Variants in TUT4 observed in about 807,000 individuals in gnomAD.
TUT4 encodes the protein terminal uridylyltransferase 4.
TUT4 carries 36 observed loss-of-function variants against 192.2 expected under a neutral mutation model. That is an observed-to-expected ratio of 0.19 (90% CI 0.14 to 0.25). The LOEUF is 0.25. Among genes scored for constraint, TUT4 ranks in the 10% least tolerant of loss-of-function variants. The pLI is 1.00. For missense variants in TUT4, 1,493 were observed against 1,957.2 expected (o/e 0.76, Z 4.47); for synonymous variants, 618 against 666.0 (o/e 0.93, Z 1.11).
In TUT4 at chr1:52,456,503, AAG is replaced by A. The variant is rs796516435; in HGVS notation, c.3435+1831_3435+1832del. Reference sequence around the variant, plus strand: ...ATTTAAAAATTAAAAAAAAAAAAGAAAGAAAAAGAAAAAGAAATGAGCTATCA... The same window carrying A: ...ATTTAAAAATTAAAAAAAAAAAAGAAAAAAAGAAAAAGAAATGAGCTATCA... On this transcript the variant is annotated intron_variant, in intron 20 of 29. Coordinates refer to ENST00000257177, the MANE Select transcript of TUT4 (RefSeq NM_001009881.3). 2.4e-3 allele frequency among the ~76,000 whole-genome samples: 367 copies of A among 150,994 alleles called. 1 individual carries two copies. The highest frequency in any genetic ancestry group is 8.7e-3 in the African/African-American group (360 of 41,310).
intron 2 of TUT4, among the ~76,000 whole-genome samples, chr1:52,518,853 T>C (rs1346552565): frequency 1.3e-5 from 2 of 152,154 alleles, no homozygotes; most frequent in Non-Finnish European, 2.9e-5. Flanking sequence ...GGGTTTCCTT[T>C]TGGGATGATG....
chr1:52,443,074 C>T (rs540398008), intron 24 of TUT4, among the ~76,000 whole-genome samples: 24 of 148,224 alleles, frequency 1.6e-4, no homozygotes, highest in Admixed American at 9.4e-4. Context: ...ACCTAAGGTC[C>T]GGAGTTCAAA....
chr1:52,484,442 G>A (rs1051966619), intron 9 of TUT4, among the ~76,000 whole-genome samples: 3 of 151,812 alleles, frequency 2.0e-5, no homozygotes, highest in African/African-American at 4.8e-5. Flanking sequence ...TATCCTTGGG[G>A]GTCTTGGAAC....
intron 11 of TUT4, among the ~76,000 whole-genome samples, chr1:52,479,901 A>C (rs978223314): frequency 1.3e-5 from 2 of 149,794 alleles, no homozygotes; most frequent in Non-Finnish European, 3.0e-5. Context: ...AGGCTGAGGC[A>C]GGAGAATGGT....
intron 6 of TUT4, among the ~76,000 whole-genome samples, 166 bp from the exon 7 acceptor site, chr1:52,493,828 G>A (rs923684669): frequency 1.4e-5 from 2 of 147,934 alleles, no homozygotes; most frequent in African/African-American, 2.5e-5. Context: ...TTTTTGAGAT[G>A]AGGTTTCCCT....
At chr1:52,424,676 C>T (rs1649215174) in intron 29 of TUT4, 1 of 152,242 alleles carries the variant, frequency 6.6e-6, no homozygotes, top group Non-Finnish European at 1.5e-5. Context: ...ATTACCCAGT[C>T]AAAGCCATTA....
At chr1:52,460,627 C>G (rs1662286751) in intron 19 of TUT4, among the ~76,000 whole-genome samples, 1 of 152,174 alleles carries the variant, frequency 6.6e-6, no homozygotes, top group Admixed American at 6.5e-5. Context: ...TGAGCAGCTA[C>G]CACAAAGCAG....
intron 12 of TUT4, among the ~76,000 whole-genome samples, chr1:52,475,865 G>A (rs1666952136): frequency 1.3e-5 from 2 of 151,272 alleles, no homozygotes; most frequent in South Asian, 4.2e-4. Context: ...TTTCTTTTGA[G>A]ATGGAGTCTT....
chr1:52,471,721 T>C (rs960265949), intron 14 of TUT4, among the ~76,000 whole-genome samples: 1 of 152,232 alleles, frequency 6.6e-6, no homozygotes, highest in African/African-American at 2.4e-5. Context: ...AGACAGCTCA[T>C]ATCCATATTT....
Position 52,525,715 on chromosome 1 carries a change from G to C in TUT4, c.566C>G (p.Thr189Ser). The stretch of plus-strand genomic sequence containing the variant: ...TTCAATATTCACTTTGTCCACAGAA[G>C]TAAAGGAGCTTGGAATTTTTTTTCC... ...QIGKKIPSSF[T>S]SVDKVNIEAV... Residue 189 changes from threonine to serine, a missense_variant, in exon 2 of 30, where the codon ACT (threonine) becomes AGT (serine). By Grantham distance (58) the Thr-to-Ser change is moderately conservative (BLOSUM62 1). This residue lies in a region of TUT4 where 260 missense variants were observed against 247.8 expected (regional missense o/e 1.05). Transcript: ENST00000257177. 1.2e-6 allele frequency: 2 copies of C among 1,614,158 alleles called. No homozygotes were observed. Among genetic ancestry groups the C allele is most frequent in the Non-Finnish European group, 1.7e-6 (2 of 1,180,024 alleles).
chr1:52,545,835 T>C (rs1337272020), intron 1 of TUT4, among the ~76,000 whole-genome samples: 1 of 151,456 alleles, frequency 6.6e-6, no homozygotes, highest in African/African-American at 2.4e-5. Context: ...ATAATAATAA[T>C]AATAGGCCAG....
chr1:52,481,078 C>T (rs556664015), intron 11 of TUT4, among the ~76,000 whole-genome samples: 2 of 152,182 alleles, frequency 1.3e-5, no homozygotes, highest in Non-Finnish European at 2.9e-5. Flanking sequence ...TCTCTTAGAG[C>T]ACAGGGGCTT....
rs140427487 is a variant in TUT4 at position 52,438,094 on chromosome 1, C to G, written c.3938+126G>C. The G allele has an allele frequency of 4.4e-3, 2,895 of 652,504 alleles. 9 individuals are homozygous for G. Among genetic ancestry groups the G allele is most frequent in the Middle Eastern group, 6.6e-3 (21 of 3,170 alleles). 40.4% of individuals were successfully genotyped at this position (652,504 alleles called of 1,614,324 possible). A position where few individuals can be genotyped will look rare whatever the true frequency, so the allele number is the denominator to read the frequency against. ...TATTACAAAATTCCACTCAAATGAA[C>G]ATTTACCTTAGGTATAATTAAATAC... is the stretch of plus-strand genomic sequence containing the variant. On this transcript the variant is annotated intron_variant, in intron 25 of 29. Coordinates refer to ENST00000257177, the MANE Select transcript of TUT4 (RefSeq NM_001009881.3).
chr1:52,424,145 G>C (rs1232219294), intron 29 of TUT4, 143 bp from the exon 30 acceptor site: 3 of 772,032 alleles, frequency 3.9e-6, no homozygotes, highest in African/African-American at 3.5e-5. Flanking sequence ...CATTTGAGAG[G>C]GTGGGGAGAA....
At chr1:52,482,091 A>G (rs534322561) in intron 9 of TUT4, among the ~76,000 whole-genome samples, 168 bp from the exon 10 acceptor site, 43 of 152,304 alleles carry the variant, frequency 2.8e-4, no homozygotes, top group South Asian at 1.4e-3. Context: ...TAAAATGTTG[A>G]TGATCATTTT....
At chr1:52,512,598 A>T (rs1677495928) in intron 3 of TUT4, among the ~76,000 whole-genome samples, 1 of 152,212 alleles carries the variant, frequency 6.6e-6, no homozygotes, top group African/African-American at 2.4e-5. Flanking sequence ...TCATCATCAT[A>T]AACTTTCTAG....
chr1:52,431,646 T>TA (rs1430945212), intron 27 of TUT4, 186 bp from the exon 28 acceptor site: 2 of 427,552 alleles, frequency 4.7e-6, no homozygotes, highest in Non-Finnish European at 7.8e-6. Context: ...CACAAATCGT[T>TA]TTATTGTCCA....
rs567065996 is a variant in TUT4 at position 52,527,483 on chromosome 1, C to T, written c.-93-1110G>A. 2.9e-4 allele frequency among the ~76,000 whole-genome samples: 44 copies of T among 152,036 alleles called. No individual in the cohort carries two copies. The South Asian group carries it at 8.5e-3, about 29-fold the overall frequency. On this transcript the variant is annotated intron_variant, in intron 1 of 29. Coordinates refer to ENST00000257177, the MANE Select transcript of TUT4 (RefSeq NM_001009881.3). Reference sequence around the variant, plus strand: ...ATTGCTTGAACCGGGACCCAGGAGGCGGAGGTTGCAGTGAGCCAAGATCGC... The same window carrying T: ...ATTGCTTGAACCGGGACCCAGGAGGTGGAGGTTGCAGTGAGCCAAGATCGC...
At chr1:52,486,270 T>G (rs1017771460) in intron 9 of TUT4, among the ~76,000 whole-genome samples, 1 of 152,170 alleles carries the variant, frequency 6.6e-6, no homozygotes, top group African/African-American at 2.4e-5. Context: ...ATTCTTACAT[T>G]AACCACGACA....
Sources: allele counts gnomAD v4.1 joint callset (sites outside exome capture counted in the v4.1 genomes callset), GRCh38; gene constraint gnomAD v4.1.1; regional missense constraint gnomAD v4.1.1; transcripts MANE v1.5; gene names NCBI Gene and HGNC (gene_info 2026-07-23, HGNC 2026-07-21).